NRXN1: variants seen among roughly 807,000 people sequenced by gnomAD.
The protein encoded by NRXN1 is neurexin-1.
NRXN1 carries 39 observed loss-of-function variants against 150.9 expected under a neutral mutation model. That is an observed-to-expected ratio of 0.26 (90% confidence interval 0.20 to 0.34). The LOEUF is 0.34. Among genes scored for constraint, NRXN1 ranks in the 10% least tolerant of loss-of-function variants. The pLI, the probability that NRXN1 is intolerant of heterozygous loss-of-function variation, is 1.00. For synonymous variants in NRXN1, 924 were observed against 757.0 expected, an observed-to-expected ratio of 1.22 and a Z score of -3.62; for missense variants, 1,815 against 1,949.9, an observed-to-expected ratio of 0.93 and a Z score of 1.30.
At chr2:50,015,586 G>T (rs1686455584) in intron 21 of NRXN1, among the ~76,000 whole-genome samples, 2 of 148,678 alleles carry the variant, frequency 1.3e-5, no homozygotes, top group South Asian at 4.3e-4. Flanking sequence ...TCTGTGTGTG[G>T]CCTCTGTTTA....
chr2:50,996,871 T>G (rs1699378332), intron 2 of NRXN1, among the ~76,000 whole-genome samples: 1 of 152,038 alleles, frequency 6.6e-6, no homozygotes, highest in Admixed American at 6.6e-5. Flanking sequence ...TGGCGTAGGT[T>G]TCATCAAACT....
chr2:50,965,673 T>C (rs1352340226), intron 2 of NRXN1, among the ~76,000 whole-genome samples: 1 of 151,494 alleles, frequency 6.6e-6, no homozygotes, highest in Non-Finnish European at 1.5e-5. Context: ...ATGCTTATAT[T>C]TGGCTAGGTA....
At chr2:50,476,451 A>G (rs2089994543) in intron 15 of NRXN1, among the ~76,000 whole-genome samples, 1 of 151,946 alleles carries the variant, frequency 6.6e-6, no homozygotes, top group Admixed American at 6.6e-5. Context: ...TCATCTATGA[A>G]ATGGGGTTGA....
chr2:50,346,896 G>GCCGCCC lies in NRXN1; in HGVS notation c.3365-109932_3365-109927dup, dbSNP rs2078032746. 11 of 1,301,274 alleles carry GCCGCCC rather than the reference G, an allele frequency of 8.5e-6. No homozygotes were observed. The Admixed American group carries it at 3.6e-4, about 42-fold the overall frequency. 80.6% of individuals were successfully genotyped at this position (1,301,274 alleles called of 1,614,324 possible). ...CGCCGCCGCCGCCGCCGCCGCCGCC[G>GCCGCCC]CCGCCCCCGGGCGAGCCCAGCTCGG... is the stretch of plus-strand genomic sequence containing the variant. On this transcript the variant is annotated intron_variant, in intron 17 of 22. Coordinates refer to ENST00000401669, the MANE Select transcript of NRXN1 (RefSeq NM_001330078.2). The surrounding 1 kb of genome is among the most constrained non-coding windows in gnomAD (Gnocchi z 5.0).
chr2:50,703,529 A>G (rs1694040820), intron 5 of NRXN1, among the ~76,000 whole-genome samples: 1 of 152,160 alleles, frequency 6.6e-6, no homozygotes. Flanking sequence ...AGTCCATTTG[A>G]GAAAGGTTCA....
chr2:50,366,572 A>T (rs1437340454), intron 17 of NRXN1, among the ~76,000 whole-genome samples: 3 of 152,038 alleles, frequency 2.0e-5, no homozygotes, highest in Non-Finnish European at 4.4e-5. Context: ...TTTCCAAAAC[A>T]TCCTTAGAGT....
chr2:50,702,705 A>G (rs1187053158), intron 5 of NRXN1, among the ~76,000 whole-genome samples: 2 of 152,142 alleles, frequency 1.3e-5, no homozygotes, highest in Non-Finnish European at 2.9e-5. Flanking sequence ...GTTATTTTAG[A>G]TAACTCCTCA....
At chr2:50,940,115 A>G (rs1689177279) in intron 2 of NRXN1, among the ~76,000 whole-genome samples, 1 of 152,174 alleles carries the variant, frequency 6.6e-6, no homozygotes, top group Non-Finnish European at 1.5e-5. Flanking sequence ...AATTGTGGCT[A>G]AACTTAAGTT....
intron 17 of NRXN1, among the ~76,000 whole-genome samples, chr2:50,249,103 G>A (rs916863869): frequency 3.5e-4 from 53 of 150,080 alleles, no homozygotes; most frequent in African/African-American, 1.2e-3. Context: ...GCTGCAGTGA[G>A]TTGTGATCAC....
intron 5 of NRXN1, among the ~76,000 whole-genome samples, chr2:50,840,508 G>A (rs1052304761): frequency 6.6e-6 from 1 of 152,072 alleles, no homozygotes; most frequent in East Asian, 1.9e-4. Context: ...AGTAGCTCAT[G>A]CTGAGGGCCT....
chr2:50,726,074 G>A (rs1489897946), intron 5 of NRXN1, among the ~76,000 whole-genome samples: 1 of 152,142 alleles, frequency 6.6e-6, no homozygotes, highest in African/African-American at 2.4e-5. Flanking sequence ...TCTAGAGTCA[G>A]TGTGGATCAT....
intron 12 of NRXN1, among the ~76,000 whole-genome samples, chr2:50,519,201 T>C (rs1224243045): frequency 1.3e-5 from 2 of 151,948 alleles, no homozygotes; most frequent in Non-Finnish European, 2.9e-5. Flanking sequence ...GAATGCAATA[T>C]ATTTTTTCTA....
Position 50,453,933 on chromosome 2 carries a change from T to G in NRXN1, c.3364+11509A>C, listed in dbSNP as rs546295519. On this transcript the variant is annotated intron_variant, in intron 17 of 22. Transcript: ENST00000401669. ...ATTGTAGCATTTCACAATGATCTGA[T>G]GATTCCCGTAGTATCAGCTAATCAG... is the stretch of plus-strand genomic sequence containing the variant. 2.6e-5 allele frequency among the ~76,000 whole-genome samples: 4 copies of G among 152,310 alleles called. No homozygotes were observed. In the South Asian group the frequency reaches 8.3e-4, roughly 32 times the overall value.
At chr2:50,607,449 T>G (rs1677319062) in intron 8 of NRXN1, among the ~76,000 whole-genome samples, 1 of 152,172 alleles carries the variant, frequency 6.6e-6, no homozygotes, top group Non-Finnish European at 1.5e-5. Context: ...TGCTTAAGAC[T>G]GCAAATCCCC....
chr2:50,049,960 C>T (rs1193195323), intron 21 of NRXN1, among the ~76,000 whole-genome samples: 1 of 151,752 alleles, frequency 6.6e-6, no homozygotes, highest in African/African-American at 2.4e-5. Flanking sequence ...TTAAATATTC[C>T]AAGTAAAATG....
chr2:50,623,957 G>A (rs1055858806), intron 5 of NRXN1, among the ~76,000 whole-genome samples: 4 of 151,656 alleles, frequency 2.6e-5, no homozygotes, highest in Admixed American at 6.6e-5. Context: ...AACAGTCCCC[G>A]GTGTGTGTGA....
At chr2:50,158,627 T>C (rs2059172184) in intron 18 of NRXN1, among the ~76,000 whole-genome samples, 1 of 152,082 alleles carries the variant, frequency 6.6e-6, no homozygotes, top group African/African-American at 2.4e-5. Flanking sequence ...AACATTATCT[T>C]CAGAAACCAG....
chr2:50,323,200 C>T (rs536128413), intron 17 of NRXN1, among the ~76,000 whole-genome samples: 1 of 152,264 alleles, frequency 6.6e-6, no homozygotes, highest in South Asian at 2.1e-4. Context: ...AGCTCTAAAA[C>T]TTTAACATAC....
intron 17 of NRXN1, among the ~76,000 whole-genome samples, chr2:50,257,690 A>G (rs993076909): frequency 1.3e-5 from 2 of 152,042 alleles, no homozygotes; most frequent in South Asian, 2.1e-4. Flanking sequence ...GGGAAGTTGG[A>G]TAATAAAGAA....
Sources: gnomAD v4.1 joint callset for allele counts (sites outside exome capture counted in the v4.1 genomes callset) on GRCh38, gnomAD v4.1.1 for gene constraint, Gnocchi (gnomAD v3.1) non-coding constraint, MANE v1.5 for transcripts, NCBI Gene and HGNC (gene_info 2026-07-23, HGNC 2026-07-21) for gene names.